RGL3: variants seen among roughly 807,000 people sequenced by gnomAD.
RGL3 encodes ral guanine nucleotide dissociation stimulator-like 3.
Under a neutral mutation model 90.6 loss-of-function variants are expected in RGL3, and 85 were observed. That is an observed-to-expected ratio of 0.94 (90% CI 0.79 to 1.12). The LOEUF (loss-of-function observed/expected upper bound fraction) is 1.12, where lower values mean the gene tolerates loss of function less well. Ranked by LOEUF, RGL3 falls within the 50% of genes most tolerant of loss-of-function variation. The pLI, the probability that RGL3 is intolerant of heterozygous loss-of-function variation, is 0.00. For synonymous variants in RGL3, 408 were observed against 385.5 expected, an observed-to-expected ratio of 1.06 and a Z score of -0.68; for missense variants, 1,034 against 939.2, an observed-to-expected ratio of 1.10 and a Z score of -1.32.
Position 11,415,934 on chromosome 19 carries a change from C to T in RGL3, c.637+3G>A, listed in dbSNP as rs1968985076. On this transcript the variant is annotated splice_donor_region_variant and intron_variant, in intron 5 of 18. Transcript: ENST00000380456. ...AACACGACTGGATCTGAAAACCCCT[C>T]ACCTGTCCACACCTGAGGCGGCTCC... The T allele has an allele frequency of 6.2e-7, 1 of 1,610,288 alleles. No individual in the cohort carries two copies. The highest frequency in any genetic ancestry group is 1.7e-5 in the Admixed American group (1 of 59,170).
chr19:11,407,232 C>T lies in RGL3; in HGVS notation c.638-368G>A, dbSNP rs540488875. On this transcript the variant is annotated intron_variant, in intron 5 of 18. Transcript: ENST00000380456. ...AACTCCTGACCTCAAGTGATCTGCC[C>T]GCCTTGGCCTCCCAAAGTGCTGGCA... is the stretch of plus-strand genomic sequence containing the variant. Among the ~76,000 whole-genome samples the T allele has an allele frequency of 2.6e-4, 40 of 152,024 alleles. No individual in the cohort carries two copies. The East Asian group carries it at 7.2e-3, about 27-fold the overall frequency.
rs754881592 is a variant in RGL3 at position 11,416,667 on chromosome 19, C to T, written c.372G>A (p.Gly124=). 4 of 1,614,070 alleles carry T rather than the reference C, an allele frequency of 2.5e-6. No homozygotes were observed. Among genetic ancestry groups the T allele is most frequent in the Non-Finnish European group, 3.4e-6 (4 of 1,180,000 alleles). The change falls in exon 4 of 19, where the codon GGG becomes GGA. Residue 124 remains glycine (G), a splice_region_variant and synonymous_variant. Transcript: ENST00000380456. The part of the protein sequence containing the change: ...LPPMPPPPPP[G]VEIKKTAVQD... ...GTACCGCTGTCTTCTTGATCTCTAC[C>T]CTGGGAAGAGGCCCCCCAGCAGGTG...
intron 9 of RGL3, among the ~76,000 whole-genome samples, chr19:11,403,532 C>G (rs74179990): frequency 1.3e-5 from 2 of 148,458 alleles, no homozygotes; most frequent in Admixed American, 1.4e-4. Context: ...CCCAGCTACT[C>G]GGGAGGCTGA....
At chr19:11,409,575 T>C (rs1422460572) in intron 5 of RGL3, among the ~76,000 whole-genome samples, 1 of 152,236 alleles carries the variant, frequency 6.6e-6, no homozygotes, top group Non-Finnish European at 1.5e-5. Flanking sequence ...CTGACTATTT[T>C]GTTCATAAAC....
chr19:11,409,407 C>T (rs528820611), intron 5 of RGL3, among the ~76,000 whole-genome samples: 2 of 151,748 alleles, frequency 1.3e-5, no homozygotes, highest in African/African-American at 2.4e-5. Context: ...CGTGAACCGG[C>T]GAGGCGGAGC....
At chr19:11,413,478 T>C (rs1968906022) in intron 5 of RGL3, among the ~76,000 whole-genome samples, 1 of 138,464 alleles carries the variant, frequency 7.2e-6, no homozygotes, top group Non-Finnish European at 1.5e-5. Context: ...GAGGTTGCAG[T>C]GTGCCGAGAT....
chr19:11,408,240 C>T (rs776803389), intron 5 of RGL3, among the ~76,000 whole-genome samples: 2 of 152,186 alleles, frequency 1.3e-5, no homozygotes, highest in Admixed American at 6.5e-5. Flanking sequence ...TTTGGGATTG[C>T]GGGTGTGAGC....
chr19:11,396,009 C>T (rs1422604374), intron 18 of RGL3, among the ~76,000 whole-genome samples: 2 of 148,310 alleles, frequency 1.3e-5, no homozygotes, highest in East Asian at 3.9e-4. Context: ...CTCGCTGCAG[C>T]CTCCACCTCC....
Position 11,405,398 on chromosome 19 carries a change from G to C in RGL3, c.1025C>G (p.Ser342Cys). 2 of 1,601,824 alleles carry C rather than the reference G, an allele frequency of 1.2e-6. No individual in the cohort carries two copies. Among genetic ancestry groups the C allele is most frequent in the East Asian group, 2.3e-5 (1 of 44,392 alleles). Reference protein sequence around the residue: ...QRCRELRNFSSLRAILSALQS... With the variant: ...QRCRELRNFSCLRAILSALQS... ...CAGGGCGGACAGGATGGCGCGCAAG[G>C]AGGAGAAGTTCCGCAGTTCTCGGCA... Residue 342 changes from serine to cysteine, a missense_variant, in exon 8 of 19, where the codon TCC (serine) becomes TGC (cysteine). Ser to Cys is a moderately radical substitution (Grantham distance 112). Transcript: ENST00000380456.
chr19:11,412,741 C>T (rs181980226), intron 5 of RGL3, among the ~76,000 whole-genome samples: 86 of 151,592 alleles, frequency 5.7e-4, no homozygotes, highest in Admixed American at 2.2e-3. Flanking sequence ...CCGAGGCAAG[C>T]GGATCACGAG....
At chr19:11,395,652 G>A (rs1968551858) in intron 18 of RGL3, among the ~76,000 whole-genome samples, 1 of 151,596 alleles carries the variant, frequency 6.6e-6, no homozygotes, top group South Asian at 2.1e-4. Flanking sequence ...TTTTTGAGAC[G>A]GAGTCTCACT....
At chr19:11,401,914 C>G in intron 13 of RGL3, 97 bp downstream of exon 13, 1 of 1,452,272 alleles carries the variant, frequency 6.9e-7, no homozygotes, top group East Asian at 2.4e-5. Context: ...AAGAGGGGGT[C>G]TTGGGAGGAG....
At chr19:11,413,839 G>C (rs1422214927) in intron 5 of RGL3, among the ~76,000 whole-genome samples, 1 of 148,372 alleles carries the variant, frequency 6.7e-6, no homozygotes, top group Non-Finnish European at 1.5e-5. Flanking sequence ...CGCCTCCCAG[G>C]TTCGCGCCAT....
Position 11,406,786 on chromosome 19 carries a change from T to C in RGL3, c.716A>G (p.Gln239Arg). The part of the protein sequence containing the change: ...CAEEEEGLMP[Q>R]GPQLLDFSVD... ...GCTGAAGTCCAGGAGCTGGGGACCT[T>C]GAGGCATGAGCCCTTCCTCTTCCTC... The change falls in exon 6 of 19, where the codon CAA becomes CGA. Residue 239 changes from glutamine to arginine, a missense_variant. By Grantham distance (43) the Gln-to-Arg change is conservative. Transcript: ENST00000380456. 1 of 1,614,038 alleles carries C rather than the reference T, an allele frequency of 6.2e-7. No homozygotes were observed. The highest frequency in any genetic ancestry group is 8.5e-7 in the Non-Finnish European group (1 of 1,180,008).
rs553382691 is a variant in RGL3 at position 11,406,920 on chromosome 19, G to C, written c.638-56C>G. 2.5e-4 allele frequency: 389 copies of C among 1,539,966 alleles called. 2 individuals carry two copies. The African/African-American group carries it at 4.8e-3, about 19-fold the overall frequency. On this transcript the variant is annotated intron_variant, in intron 5 of 18. Coordinates refer to ENST00000380456, the MANE Select transcript of RGL3 (RefSeq NM_001035223.4). ...AGTTTGAATCCAAGACTGGCTGTGT[G>C]ACCTTGGGTGAGTCCCTGTCCCTCT... is the stretch of plus-strand genomic sequence containing the variant.
At position 11,399,851 on chromosome 19, in the gene RGL3, G is replaced by A. The variant is rs768302919; in HGVS notation, c.1746+4C>T. 1 of 1,480,698 alleles carries A rather than the reference G, an allele frequency of 6.8e-7. No individual in the cohort carries two copies. Among genetic ancestry groups the A allele is most frequent in the South Asian group, 1.4e-5 (1 of 71,044 alleles). 91.7% of individuals were successfully genotyped at this position (1,480,698 alleles called of 1,614,324 possible). ...CCGCATGCACACACAAGCCGTCTTGGTACCTTGGTGCTGGGGCCCTGGGGC... is the reference window on the plus strand; with the variant it reads ...CCGCATGCACACACAAGCCGTCTTGATACCTTGGTGCTGGGGCCCTGGGGC... On this transcript the variant is annotated splice_donor_region_variant and intron_variant, in intron 16 of 18. Transcript: ENST00000380456.
intron 18 of RGL3, among the ~76,000 whole-genome samples, chr19:11,394,994 G>A (rs903548343): frequency 2.4e-4 from 36 of 151,692 alleles, no homozygotes; most frequent in African/African-American, 8.5e-4. Flanking sequence ...TCGGAAGGCT[G>A]AGGCAGGAGA....
chr19:11,402,509 G>A lies in RGL3; in HGVS notation c.1275C>T (p.Gly425=). 6.2e-7 allele frequency: 1 copy of A among 1,605,554 alleles called. No homozygotes were observed. The highest frequency in any genetic ancestry group is 8.5e-7 in the Non-Finnish European group (1 of 1,177,174). ...KPPPGPVPYL[G]TFLTDLVMLD... is the part of the protein sequence containing the mutation. ...GCATAACCAGGTCCGTAAGGAAGGT[G>A]CCAAGGTAGGGGACAGGGCCTGGGG... Residue 425 remains glycine (G), a synonymous_variant, in exon 11 of 19, where the codon GGC becomes GGT. Coordinates refer to ENST00000380456, the MANE Select transcript of RGL3 (RefSeq NM_001035223.4).
chr19:11,407,585 G>C (rs1028476906), intron 5 of RGL3, among the ~76,000 whole-genome samples: 1 of 151,832 alleles, frequency 6.6e-6, no homozygotes, highest in African/African-American at 2.4e-5. Context: ...GAGGTGATAC[G>C]ACTTCCTGGT....
Sources: allele counts gnomAD v4.1 joint callset (sites outside exome capture counted in the v4.1 genomes callset), GRCh38; gene constraint gnomAD v4.1.1; transcripts MANE v1.5; gene names NCBI Gene and HGNC (gene_info 2026-07-23, HGNC 2026-07-21).